KCNIP1: variants seen among roughly 807,000 people sequenced by gnomAD.
KCNIP1 encodes A-type potassium channel modulatory protein KCNIP1.
KCNIP1 carries 18 observed loss-of-function variants against 33.0 expected under a neutral mutation model. The observed-to-expected ratio is 0.55, with a 90% CI of 0.38 to 0.81. The LOEUF (loss-of-function observed/expected upper bound fraction) is 0.81. Ranked by LOEUF, KCNIP1 falls within the 30% of genes least tolerant of loss-of-function variation. KCNIP1 has a pLI of 0.00. For missense variants in KCNIP1, 238 were observed against 271.6 expected (o/e 0.88, Z 0.87); for synonymous variants, 93 against 98.3 (o/e 0.95, Z 0.32).
chr5:170,453,012 T>A (rs1470551931), intron 1 of KCNIP1, among the ~76,000 whole-genome samples: 1 of 152,258 alleles, frequency 6.6e-6, no homozygotes, highest in Non-Finnish European at 1.5e-5. Flanking sequence ...TTATTACTGA[T>A]TAAGTATATT....
At chr5:170,424,882 C>A (rs1381922809) in intron 1 of KCNIP1, among the ~76,000 whole-genome samples, 4 of 152,336 alleles carry the variant, frequency 2.6e-5, no homozygotes, top group East Asian at 3.9e-4. Flanking sequence ...TTCGTTCCTA[C>A]CCCACTCCTT....
chr5:170,522,989 T>C (rs529532541), intron 1 of KCNIP1, among the ~76,000 whole-genome samples: 1 of 152,352 alleles, frequency 6.6e-6, no homozygotes, highest in South Asian at 2.1e-4. Context: ...GTAGGAATTA[T>C]AATTACATCA....
intron 1 of KCNIP1, among the ~76,000 whole-genome samples, chr5:170,533,858 CACA>C: frequency 6.6e-6 from 1 of 152,272 alleles, no homozygotes; most frequent in South Asian, 2.1e-4. Context: ...ACAAAATGAG[CACA>C]ACATCTCTGA....
At chr5:170,590,788 T>C (rs935732336) in intron 1 of KCNIP1, among the ~76,000 whole-genome samples, 12 of 152,204 alleles carry the variant, frequency 7.9e-5, no homozygotes, top group African/African-American at 2.9e-4. Context: ...TTACTTCTCG[T>C]TGCCATGGCA....
chr5:170,577,899 C>T (rs370508358), intron 1 of KCNIP1, among the ~76,000 whole-genome samples: 4 of 152,140 alleles, frequency 2.6e-5, no homozygotes, highest in African/African-American at 9.7e-5. Context: ...TTCCATGTGA[C>T]GAATTTTTTA....
intron 1 of KCNIP1, among the ~76,000 whole-genome samples, chr5:170,401,773 A>C (rs987531606): frequency 2.0e-5 from 3 of 151,832 alleles, no homozygotes; most frequent in African/African-American, 7.3e-5. Flanking sequence ...AAAAAAAAAA[A>C]TCCCTCATAA....
intron 3 of KCNIP1, 29 bp from the exon 4 acceptor site, chr5:170,721,804 A>G (rs1763834213): frequency 6.2e-7 from 1 of 1,614,096 alleles, no homozygotes; most frequent in East Asian, 2.2e-5. Flanking sequence ...TCCTGCCCCC[A>G]TCACCTGCCC....
chr5:170,449,334 G>A (rs937172202), intron 1 of KCNIP1, among the ~76,000 whole-genome samples: 1 of 152,204 alleles, frequency 6.6e-6, no homozygotes, highest in African/African-American at 2.4e-5. Flanking sequence ...CTGAAAAGTA[G>A]CCCTCAACTT....
intron 1 of KCNIP1, chr5:170,385,294 A>G (rs780662155): frequency 6.2e-7 from 1 of 1,613,768 alleles, no homozygotes. Context: ...GGGGGTGGGC[A>G]GGCCGGGAGA....
chr5:170,382,064 A>G (rs703503), intron 1 of KCNIP1, among the ~76,000 whole-genome samples: 45,883 of 151,858 alleles, frequency 0.3, 7,060 homozygotes, highest in South Asian at 0.41. Context: ...CCCATCAGCC[A>G]TCAAGTCCGG....
chr5:170,455,864 C>T (rs1231790319), intron 1 of KCNIP1, among the ~76,000 whole-genome samples: 1 of 152,182 alleles, frequency 6.6e-6, no homozygotes, highest in Non-Finnish European at 1.5e-5. Flanking sequence ...GTTGGTGGGA[C>T]TGTAAATTAG....
At chr5:170,497,287 T>C (rs566588398) in intron 1 of KCNIP1, among the ~76,000 whole-genome samples, 1 of 152,236 alleles carries the variant, frequency 6.6e-6, no homozygotes, top group Admixed American at 6.5e-5. Flanking sequence ...ACTTAAATGC[T>C]TCCACTCATT....
intron 1 of KCNIP1, among the ~76,000 whole-genome samples, chr5:170,389,895 A>G (rs916351352): frequency 6.6e-6 from 1 of 152,098 alleles, no homozygotes; most frequent in African/African-American, 2.4e-5. Context: ...CAGTTTTCTC[A>G]CTTGTGTTAC....
At chr5:170,579,006 G>C (rs1364543586) in intron 1 of KCNIP1, among the ~76,000 whole-genome samples, 2 of 152,156 alleles carry the variant, frequency 1.3e-5, no homozygotes, top group Admixed American at 1.3e-4. Flanking sequence ...AAAATGGCAG[G>C]AGTAAGTGTA....
chr5:170,473,871 C>G (rs1271936403), intron 1 of KCNIP1, among the ~76,000 whole-genome samples: 1 of 152,294 alleles, frequency 6.6e-6, no homozygotes, highest in African/African-American at 2.4e-5. Flanking sequence ...CAGCCTCACA[C>G]CAGGGTGTGG....
chr5:170,720,522 C>A, intron 3 of KCNIP1, 132 bp downstream of exon 3: 2 of 718,138 alleles, frequency 2.8e-6, no homozygotes, highest in South Asian at 1.6e-5. Flanking sequence ...AGGACACCTC[C>A]CTCATCGTGA....
At chr5:170,580,694 G>A (rs937247862) in intron 1 of KCNIP1, among the ~76,000 whole-genome samples, 8 of 152,316 alleles carry the variant, frequency 5.3e-5, no homozygotes, top group African/African-American at 1.9e-4. Flanking sequence ...TGAAGAAAAG[G>A]TAGACTCATG....
upstream of KCNIP1, among the ~76,000 whole-genome samples, chr5:170,503,764 A>ACACACG (rs1754569952): frequency 7.1e-6 from 1 of 140,912 alleles, no homozygotes; most frequent in Non-Finnish European, 1.6e-5. Flanking sequence ...ACACACACAC[A>ACACACG]TACACACACA....
intron 1 of KCNIP1, among the ~76,000 whole-genome samples, chr5:170,601,416 G>T (rs1758684305): frequency 6.6e-6 from 1 of 152,216 alleles, no homozygotes; most frequent in Non-Finnish European, 1.5e-5. Context: ...AACGTCCCGG[G>T]AAACTTCAGC....
Sources: gnomAD v4.1 joint callset for allele counts (sites outside exome capture counted in the v4.1 genomes callset) on GRCh38, gnomAD v4.1.1 for gene constraint, MANE v1.5 for transcripts, NCBI Gene and HGNC (gene_info 2026-07-23, HGNC 2026-07-21) for gene names.